Variants in TRMT2B observed in about 807,000 individuals in gnomAD.
TRMT2B encodes tRNA (uracil-5-)-methyltransferase homolog B.
TRMT2B carries 34 observed loss-of-function variants against 39.7 expected under a neutral mutation model. The ratio of observed to expected loss-of-function variants is 0.86; its 90% CI spans 0.65 to 1.14. TRMT2B has a LOEUF of 1.14. Among genes scored for constraint, TRMT2B ranks in the 50% most tolerant of loss-of-function variants. The pLI is 0.00. For synonymous variants in TRMT2B, 132 were observed against 137.3 expected, an observed-to-expected ratio of 0.96 and a Z score of 0.27; for missense variants, 318 against 377.2, an observed-to-expected ratio of 0.84 and a Z score of 1.30.
At chrX:100,988,560 T>A in the TRMT2B span, 1 of 1,040,592 alleles carries the variant, frequency 9.6e-7, no homozygotes, top group Non-Finnish European at 1.2e-6. Context: ...TTTTTGAAGG[T>A]AATGCTGGAT....
intron 7 of TRMT2B, among the ~76,000 whole-genome samples, chrX:101,024,027 T>C (rs1009043078): frequency 3.6e-5 from 4 of 110,528 alleles, no homozygotes; most frequent in African/African-American, 9.9e-5. Flanking sequence ...TTTGTATTTT[T>C]AGTAGACACG....
Position 101,010,538 on chromosome X carries a change from A to T in TRMT2B, c.*43T>A. The T allele has an allele frequency of 8.3e-7, 1 of 1,203,200 alleles. No individual in the cohort carries two copies. Among genetic ancestry groups the T allele is most frequent in the Non-Finnish European group, 1.1e-6 (1 of 890,003 alleles). ...TATGCCAAACCTGAAAGTTTCTGAA[A>T]CTTCAGCCTTAACAAATAGCCTGCT... On this transcript the variant is annotated 3_prime_UTR_variant, in exon 14 of 14. Coordinates refer to ENST00000372936, the MANE Select transcript of TRMT2B (RefSeq NM_024917.6).
chrX:101,016,481 AT>A (rs57781020), intron 13 of TRMT2B, among the ~76,000 whole-genome samples: 68 of 100,472 alleles, frequency 6.8e-4, no homozygotes, highest in Middle Eastern at 5.0e-3. Flanking sequence ...TTAAATTTTG[AT>A]TTTTTTTTTT....
chrX:101,048,149 C>CAG (rs1476535094), intron 2 of TRMT2B, among the ~76,000 whole-genome samples: 38 of 100,912 alleles, frequency 3.8e-4, no homozygotes, highest in South Asian at 8.5e-4. Flanking sequence ...CACACACACA[C>CAG]ACAGAGAAAA....
Position 101,022,023 on chromosome X carries a change from A to G in TRMT2B, c.796T>C (p.Phe266Leu). ...CAGGCTGCTCCAGGACCTCTGATGA[A>G]AAATTCCTTTACAATCTCCTTCTGA... ...HVQKEIVKEFFIRGPGAACGL... is the reference protein window; with the variant it reads ...HVQKEIVKEFLIRGPGAACGL... The change falls in exon 9 of 14, where the codon TTC becomes CTC. Residue 266 changes from phenylalanine (F) to leucine (L), a missense_variant. Phe to Leu is a conservative substitution (Grantham distance 22). Transcript: ENST00000372936. 8.3e-7 allele frequency: 1 copy of G among 1,211,136 alleles called. No homozygotes were observed. Among genetic ancestry groups the G allele is most frequent in the South Asian group, 1.8e-5 (1 of 56,979 alleles).
chrX:101,033,900 TG>T, intron 7 of TRMT2B, among the ~76,000 whole-genome samples: 1 of 107,317 alleles, frequency 9.3e-6, no homozygotes, highest in African/African-American at 3.4e-5. Flanking sequence ...TGGAGTACAG[TG>T]GCATGATCTT....
At chrX:101,049,487 CAAAAAAAAAAAAAAAA>C (rs1168727839) in intron 2 of TRMT2B, among the ~76,000 whole-genome samples, 1 of 21,641 alleles carries the variant, frequency 4.6e-5, no homozygotes, top group Admixed American at 8.2e-4. Context: ...ACCCTGTCTC[CAAAAAAAAAAAAAAAA>C]AAAAAAAAAG....
At position 101,051,846 on chromosome X, in the gene TRMT2B, T is replaced by C. The variant is rs112465546; in HGVS notation, c.-536A>G. ...GGCGGCAAACTAAAAGGCCAGCGGA[T>C]GGCCTGGTTTGCTGCGGCGGGGAAA... On this transcript the variant is annotated 5_prime_UTR_variant, in exon 1 of 14. Coordinates refer to ENST00000372936, the MANE Select transcript of TRMT2B (RefSeq NM_024917.6). 1.6e-5 allele frequency: 5 copies of C among 319,421 alleles called. No homozygotes were observed. Among genetic ancestry groups the C allele is most frequent in the African/African-American group, 1.1e-4 (4 of 35,140 alleles). The allele number at this position is 319,421 out of a possible 1,213,427, so 26.3% of individuals were successfully genotyped here. A position where few individuals can be genotyped will look rare whatever the true frequency, so the allele number is the denominator to read the frequency against.
At chrX:101,015,631 TC>T in intron 13 of TRMT2B, 1 of 751,748 alleles carries the variant, frequency 1.3e-6, no homozygotes, top group Non-Finnish European at 1.6e-6. Context: ...CTTACCAATT[TC>T]TAGGAGTTTC....
the TRMT2B span, chrX:100,990,812 T>C: frequency 1.6e-5 from 6 of 367,385 alleles, no homozygotes; most frequent in South Asian, 1.5e-4. Flanking sequence ...CAAAAATAAA[T>C]AGAACTTCTT....
chrX:100,987,311 T>C, the TRMT2B span: 1 of 999,278 alleles, frequency 1.0e-6, no homozygotes, highest in Non-Finnish European at 1.4e-6. Context: ...CTTCACTCTT[T>C]GAATGAGAGT....
the TRMT2B span, among the ~76,000 whole-genome samples, chrX:100,980,169 G>T: frequency 9.0e-6 from 1 of 111,689 alleles, no homozygotes; most frequent in African/African-American, 3.3e-5. Flanking sequence ...GCCAGGACAG[G>T]GTATTTCCCT....
intron 11 of TRMT2B, among the ~76,000 whole-genome samples, chrX:101,019,954 A>T (rs546102735): frequency 9.0e-6 from 1 of 110,770 alleles, no homozygotes; most frequent in South Asian, 3.8e-4. Flanking sequence ...CAACTCACAT[A>T]GCATGCAAGG....
intron 11 of TRMT2B, among the ~76,000 whole-genome samples, chrX:101,020,258 T>A (rs2086731428): frequency 8.9e-6 from 1 of 111,820 alleles, no homozygotes; most frequent in African/African-American, 3.2e-5. Context: ...CAGCTAGACA[T>A]GTATCTTCCC....
At chrX:100,987,034 C>T in the TRMT2B span, 1 of 432,743 alleles carries the variant, frequency 2.3e-6, no homozygotes, top group East Asian at 3.9e-5. Flanking sequence ...CACAGTGATT[C>T]CTGACTTGAT....
intron 2 of TRMT2B, among the ~76,000 whole-genome samples, chrX:101,049,487 C>CAAAAAA: frequency 4.6e-5 from 1 of 21,632 alleles, no homozygotes; most frequent in Non-Finnish European, 7.1e-5. Flanking sequence ...ACCCTGTCTC[C>CAAAAAA]AAAAAAAAAA....
intron 4 of TRMT2B, among the ~76,000 whole-genome samples, chrX:101,040,395 T>C (rs2088157540): frequency 9.1e-6 from 1 of 110,217 alleles, no homozygotes; most frequent in African/African-American, 3.3e-5. Context: ...TGTGGATGGG[T>C]ATGGCTCATA....
chrX:100,998,840 CCTAT>C, the TRMT2B span, among the ~76,000 whole-genome samples: 1 of 110,976 alleles, frequency 9.0e-6, no homozygotes, highest in East Asian at 2.8e-4. Flanking sequence ...TGCTATATCG[CCTAT>C]CTAAGCACCT....
At chrX:100,986,864 A>G in the TRMT2B span, 1 of 1,204,407 alleles carries the variant, frequency 8.3e-7, no homozygotes, top group South Asian at 1.8e-5. Flanking sequence ...CTACTTCTAA[A>G]GAAGCTAGTG....
Sources: gnomAD v4.1 joint callset for allele counts (sites outside exome capture counted in the v4.1 genomes callset) on GRCh38, gnomAD v4.1.1 for gene constraint, MANE v1.5 for transcripts, NCBI Gene and HGNC (gene_info 2026-07-23, HGNC 2026-07-21) for gene names.